The following ZDHHC11B variants were observed in gnomAD, a reference collection of about 807,000 sequenced individuals.
The protein encoded by ZDHHC11B is zDHHC palmitoyltransferase 11B (putative).
In ZDHHC11B, 17 loss-of-function variants were observed where a neutral mutation model predicts 42.3. The observed-to-expected ratio is 0.40, with a 90% CI of 0.27 to 0.60. ZDHHC11B has a LOEUF of 0.60. ZDHHC11B is among the 20% of genes least tolerant of loss of function. The pLI is 0.41. For missense variants in ZDHHC11B, 262 were observed against 463.2 expected (o/e 0.57, Z 3.99); for synonymous variants, 123 against 193.5 (o/e 0.64, Z 3.02).
At chr5:769,602 C>T (rs577586941) in intron 1 of ZDHHC11B, among the ~76,000 whole-genome samples, 1 of 151,874 alleles carries the variant, frequency 6.6e-6, no homozygotes, top group African/African-American at 2.4e-5. Flanking sequence ...ACGTTCCTCA[C>T]GCGAGCCCGC....
In ZDHHC11B at chr5:767,336, C is replaced by A. The variant is rs1173595522; in HGVS notation, c.-1+56G>T. The A allele has an allele frequency of 1.8e-5, 28 of 1,556,106 alleles. No homozygotes were observed. The Admixed American group carries it at 3.9e-4, about 22-fold the overall frequency. ...CACATGTGGGGCTCCGGGTCCCACA[C>A]CAGGGCGCAGCTGAAGCTGGACAGC... On this transcript the variant is annotated intron_variant, in intron 3 of 13. Transcript: ENST00000508859.
chr5:784,374 G>T (rs1227126780), intron 1 of ZDHHC11B, among the ~76,000 whole-genome samples: 1 of 151,950 alleles, frequency 6.6e-6, no homozygotes, highest in Admixed American at 6.5e-5. Flanking sequence ...AAAGCGCCAG[G>T]CACAGGGCCC....
intron 1 of ZDHHC11B, among the ~76,000 whole-genome samples, chr5:770,546 A>G (rs1396996223): frequency 6.6e-6 from 1 of 151,064 alleles, no homozygotes. Flanking sequence ...GCAGCTCTGG[A>G]GGACACCTCG....
intron 1 of ZDHHC11B, among the ~76,000 whole-genome samples, chr5:777,576 T>G (rs563023080): frequency 6.6e-6 from 1 of 152,068 alleles, no homozygotes; most frequent in African/African-American, 2.4e-5. Context: ...GGCTACCCGC[T>G]TTTATTCCGT....
chr5:730,616 T>C lies in ZDHHC11B; in HGVS notation c.1024-148A>G, dbSNP rs997019390. On this transcript the variant is annotated intron_variant, in intron 11 of 13. Transcript: ENST00000508859. Reference sequence around the variant, plus strand: ...CCTGGATCATGGAATAGGATCTCAGTGGTGGCACAGCACGCTTCCTCCCAA... The same window carrying C: ...CCTGGATCATGGAATAGGATCTCAGCGGTGGCACAGCACGCTTCCTCCCAA... The C allele has an allele frequency of 2.0e-5, 18 of 913,622 alleles. No homozygotes were observed. The Admixed American group carries it at 6.2e-4, about 32-fold the overall frequency. 56.6% of individuals were successfully genotyped at this position (913,622 alleles called of 1,614,324 possible). A position where few individuals can be genotyped will look rare whatever the true frequency, so the allele number is the denominator to read the frequency against.
At chr5:729,519 T>C (rs1017177925) in intron 12 of ZDHHC11B, among the ~76,000 whole-genome samples, 10 of 143,540 alleles carry the variant, frequency 7.0e-5, no homozygotes, top group Non-Finnish European at 1.4e-4. Context: ...AAGGAGGCTG[T>C]GTCAGTGTGA....
At chr5:750,291 G>A (rs1182170047) in intron 7 of ZDHHC11B, among the ~76,000 whole-genome samples, 1 of 130,488 alleles carries the variant, frequency 7.7e-6, no homozygotes, top group African/African-American at 2.8e-5. Flanking sequence ...GGGCTCTGAC[G>A]TCCAGCTGCA....
At chr5:757,951 G>T (rs1478400740) in intron 4 of ZDHHC11B, among the ~76,000 whole-genome samples, 1 of 151,850 alleles carries the variant, frequency 6.6e-6, no homozygotes, top group East Asian at 1.9e-4. Context: ...GGAGAGGTCT[G>T]CAGGGGCCCC....
chr5:753,792 G>A (rs1216416220), intron 6 of ZDHHC11B, among the ~76,000 whole-genome samples: 1 of 144,172 alleles, frequency 6.9e-6, no homozygotes, highest in Non-Finnish European at 1.5e-5. Flanking sequence ...TGCTCCAGAC[G>A]GGATGGCAGG....
chr5:761,612 G>C (rs1734621872), intron 4 of ZDHHC11B, among the ~76,000 whole-genome samples: 1 of 151,992 alleles, frequency 6.6e-6, no homozygotes, highest in African/African-American at 2.4e-5. Flanking sequence ...GTGTGTGCCG[G>C]GTGGACACGT....
intron 13 of ZDHHC11B, among the ~76,000 whole-genome samples, chr5:714,203 C>A (rs1485253646): frequency 1.5e-5 from 2 of 131,866 alleles, no homozygotes; most frequent in Non-Finnish European, 3.1e-5. Context: ...GAACCTCTGG[C>A]TTCATTTCAT....
chr5:736,176 A>G (rs1231071704), intron 10 of ZDHHC11B, among the ~76,000 whole-genome samples: 17 of 149,792 alleles, frequency 1.1e-4, no homozygotes, highest in African/African-American at 4.2e-4. Context: ...CTATTCTGAT[A>G]CCAGACTCAA....
intron 12 of ZDHHC11B, among the ~76,000 whole-genome samples, chr5:719,738 G>A (rs1163517371): frequency 2.0e-5 from 3 of 151,808 alleles, no homozygotes; most frequent in Admixed American, 6.6e-5. Context: ...AAGAGAAAAG[G>A]AAAGAGGCAG....
intron 4 of ZDHHC11B, among the ~76,000 whole-genome samples, chr5:763,541 T>A (rs1477145833): frequency 6.6e-6 from 1 of 151,746 alleles, no homozygotes; most frequent in Non-Finnish European, 1.5e-5. Context: ...AAGTCTAGAC[T>A]GAGGGGCCTC....
rs1736378027 is a variant in ZDHHC11B, at chr5:775,242, G to A, written c.-229-6312C>T. The stretch of plus-strand genomic sequence containing the variant: ...TGACAGCTCCACCTGCTCTGGAGAA[G>A]CCACCAGCAGCTTCTCCAGCTGCAC... On this transcript the variant is annotated intron_variant, in intron 1 of 13. Transcript: ENST00000508859. Among the ~76,000 whole-genome samples, 2 of 151,938 alleles carry A rather than the reference G, an allele frequency of 1.3e-5. 1 individual carries two copies. The highest frequency in any genetic ancestry group is 2.9e-5 in the Non-Finnish European group (2 of 67,918).
At chr5:767,038 A>G (rs1317803015) in intron 3 of ZDHHC11B, 119 bp from the exon 4 acceptor site, 2 of 1,276,930 alleles carry the variant, frequency 1.6e-6, no homozygotes, top group Non-Finnish European at 2.2e-6. Flanking sequence ...ACTGACAGCC[A>G]ATGGCCCAGC....
At chr5:731,078 T>C (rs640242) in intron 11 of ZDHHC11B, among the ~76,000 whole-genome samples, 15 of 151,466 alleles carry the variant, frequency 9.9e-5, no homozygotes, top group Non-Finnish European at 1.5e-5. Flanking sequence ...GTGCTCTTGG[T>C]TAAGAACCTG....
chr5:777,923 G>GA lies in ZDHHC11B; in HGVS notation c.-230+6744_-230+6745insT, dbSNP rs1328246300. On this transcript the variant is annotated intron_variant, in intron 1 of 13. Coordinates refer to ENST00000508859, the MANE Select transcript of ZDHHC11B (RefSeq NM_001351303.2). ...GGGAGCCCGGGGCGGGGGAGGGGGG[G>GA]CGTGGCCTCGGCATGGCGGTCGGCG... Among the ~76,000 whole-genome samples, 46 of 151,926 alleles carry GA rather than the reference G, an allele frequency of 3.0e-4. No homozygotes were observed. In the East Asian group the frequency reaches 8.4e-3, roughly 28 times the overall value.
chr5:765,955 C>T (rs142603917), intron 4 of ZDHHC11B, among the ~76,000 whole-genome samples: 6 of 152,062 alleles, frequency 3.9e-5, no homozygotes, highest in African/African-American at 1.4e-4. Flanking sequence ...AATAACACAT[C>T]CTACTTTCAG....
Sources: gnomAD v4.1 joint callset for allele counts (sites outside exome capture counted in the v4.1 genomes callset) on GRCh38, gnomAD v4.1.1 for gene constraint, MANE v1.5 for transcripts, NCBI Gene and HGNC (gene_info 2026-07-23, HGNC 2026-07-21) for gene names.